Variants in HLA-DQA1 observed in about 807,000 individuals in gnomAD.
HLA-DQA1 encodes HLA class II histocompatibility antigen, DQ alpha 1 chain.
A neutral mutation model predicts 20.7 loss-of-function variants in HLA-DQA1; 10 were observed. The ratio of observed to expected loss-of-function variants is 0.48; its 90% CI spans 0.30 to 0.82. HLA-DQA1 has a LOEUF of 0.82. HLA-DQA1 is among the 40% of genes least tolerant of loss of function. The probability of loss-of-function intolerance (pLI) is 0.07; values close to 1 mark genes in which losing one functional copy is unlikely to be tolerated. For missense variants in HLA-DQA1, 127 were observed against 293.0 expected, an observed-to-expected ratio of 0.43 and a Z score of 4.14; for synonymous variants, 39 against 109.2, an observed-to-expected ratio of 0.36 and a Z score of 4.01.
downstream of HLA-DQA1, among the ~76,000 whole-genome samples, chr6:32,647,688 T>TCTC (rs1288396400): frequency 6.6e-6 from 1 of 152,096 alleles, no homozygotes; most frequent in East Asian, 1.9e-4. Flanking sequence ...TATGGGAACC[T>TCTC]CTCAGAAATG....
rs1280186835 is a variant in HLA-DQA1 at position 32,643,665 on chromosome 6, G to C, written c.*734G>C. 6.7e-6 allele frequency: 1 copy of C among 148,178 alleles called. No homozygotes were observed. Among genetic ancestry groups the C allele is most frequent in the Non-Finnish European group, 1.5e-5 (1 of 67,044 alleles). 9.2% of individuals were successfully genotyped at this position (148,178 alleles called of 1,614,324 possible). On this transcript the variant is annotated 3_prime_UTR_variant, in exon 5 of 5. Transcript: ENST00000343139. ...AATTTGAATCTCAAAAATATCAAAA[G>C]TAAAAATGTATTCTCAAAACTTTAA...
downstream of HLA-DQA1, among the ~76,000 whole-genome samples, chr6:32,651,047 T>C (rs1331380261): frequency 1.2e-5 from 1 of 84,020 alleles, no homozygotes; most frequent in Non-Finnish European, 2.6e-5. Flanking sequence ...CGCCATCACG[T>C]CTGGCTAATT....
At chr6:32,638,159 G>T (rs1781029992) in intron 1 of HLA-DQA1, among the ~76,000 whole-genome samples, 2 of 118,096 alleles carry the variant, frequency 1.7e-5, no homozygotes, top group East Asian at 2.4e-4. Context: ...AAATAAAATG[G>T]GCATGTGGCT....
chr6:32,652,110 C>A, the HLA-DQA1 span, among the ~76,000 whole-genome samples: 92 of 93,218 alleles, frequency 9.9e-4, 28 homozygotes, highest in African/African-American at 2.6e-3. Flanking sequence ...GAAACCCCGT[C>A]TCTACTAAAA....
At position 32,642,022 on chromosome 6, in the gene HLA-DQA1, C is replaced by T; in HGVS notation, c.382C>T (p.Pro128Ser). Residue 128 changes from proline to serine, a missense_variant, in exon 3 of 5, where the codon CCC (proline) becomes TCC (serine). By Grantham distance (74) the Pro-to-Ser change is moderately conservative. This residue lies in a region of HLA-DQA1 where 30 missense variants were observed against 39.9 expected (regional missense o/e 0.75). Transcript: ENST00000343139. Reference sequence around the variant, plus strand: ...CAAGTCTCCCGTGACACTGGGTCAGCCCAACACCCTCATTTGTCTTGTGGA... The same window carrying T: ...CAAGTCTCCCGTGACACTGGGTCAGTCCAACACCCTCATTTGTCTTGTGGA... ...FSKSPVTLGQ[P>S]NTLICLVDNI... 1 of 1,541,190 alleles carries T rather than the reference C, an allele frequency of 6.5e-7. No individual in the cohort carries two copies. The highest frequency in any genetic ancestry group is 8.7e-7 in the Non-Finnish European group (1 of 1,143,402).
the HLA-DQA1 span, among the ~76,000 whole-genome samples, chr6:32,655,261 T>TG: frequency 7.0e-6 from 1 of 142,056 alleles, no homozygotes; most frequent in Admixed American, 7.2e-5. Context: ...AGTTTTCTGT[T>TG]TTTTAAAATC....
At chr6:32,637,658 G>C in intron 1 of HLA-DQA1, 118 bp downstream of exon 1, 2 of 500,382 alleles carry the variant, frequency 4.0e-6, no homozygotes, top group Non-Finnish European at 7.0e-6. Context: ...TCAGTATTAA[G>C]ACAATTAAAA....
intron 1 of HLA-DQA1, among the ~76,000 whole-genome samples, chr6:32,641,038 C>T (rs34438281): frequency 0.047 from 4,703 of 99,312 alleles, 394 homozygotes; most frequent in East Asian, 0.097. Context: ...ATCATAAGTC[C>T]ATGACATGCC....
chr6:32,646,393 C>T (rs1303311365), downstream of HLA-DQA1: 1 of 136,116 alleles, frequency 7.3e-6, no homozygotes, highest in African/African-American at 2.7e-5. Context: ...AAGACCTTGT[C>T]TCTACAACAC....
downstream of HLA-DQA1, chr6:32,646,628 C>T (rs9273274): frequency 5.7e-4 from 24 of 42,164 alleles, 2 homozygotes; most frequent in East Asian, 2.6e-3. Context: ...AGGTTTGTAC[C>T]TACCACATTT....
the HLA-DQA1 span, among the ~76,000 whole-genome samples, chr6:32,653,661 A>G: frequency 0.21 from 21,354 of 102,926 alleles, 6,634 homozygotes; most frequent in Admixed American, 0.22. Context: ...TGCAAAGAAA[A>G]TGCAATCAGT....
In HLA-DQA1 at chr6:32,640,443, A is replaced by G. The variant is rs1781290645; in HGVS notation, c.83-867A>G. Among the ~76,000 whole-genome samples the G allele has an allele frequency of 2.0e-5, 2 of 98,918 alleles. 1 individual carries two copies. The highest frequency in any genetic ancestry group is 2.5e-4 in the Admixed American group (2 of 8,162). The allele number at this position is 98,918 out of a possible 152,430, so 64.9% of individuals were successfully genotyped here. On this transcript the variant is annotated intron_variant, in intron 1 of 4. Coordinates refer to ENST00000343139, the MANE Select transcript of HLA-DQA1 (RefSeq NM_002122.5). ...GCTCATTTGGCTGGAGTCGTACTGCATGGCTGCCATTCTGCTCTGGCATCC... is the reference window on the plus strand; with the variant it reads ...GCTCATTTGGCTGGAGTCGTACTGCGTGGCTGCCATTCTGCTCTGGCATCC...
downstream of HLA-DQA1, among the ~76,000 whole-genome samples, chr6:32,651,861 G>C (rs1782200288): frequency 1.0e-5 from 1 of 95,734 alleles, no homozygotes; most frequent in South Asian, 3.2e-4. Flanking sequence ...AAGGGTTAAA[G>C]AAACATCATA....
chr6:32,651,115 C>G (rs1371955958), downstream of HLA-DQA1, among the ~76,000 whole-genome samples: 3 of 82,840 alleles, frequency 3.6e-5, 1 homozygote, highest in Non-Finnish European at 5.2e-5. Flanking sequence ...GTCTCTGCCT[C>G]CTGACCTCGT....
chr6:32,652,712 G>A, the HLA-DQA1 span, among the ~76,000 whole-genome samples: 1 of 135,218 alleles, frequency 7.4e-6, no homozygotes, highest in African/African-American at 2.7e-5. Flanking sequence ...GCATAAAGTG[G>A]AGGGGAAAGG....
intron 1 of HLA-DQA1, chr6:32,639,101 G>A (rs9272544): frequency 0.58 from 131,387 of 226,210 alleles, 51,111 homozygotes; most frequent in South Asian, 0.78. Context: ...TCTCCAGAGC[G>A]CTTGGCGTCT....
downstream of HLA-DQA1, chr6:32,644,319 A>T (rs78846394): frequency 1.4e-4 from 21 of 152,294 alleles, no homozygotes; most frequent in African/African-American, 5.1e-4. Flanking sequence ...TGGAGAAAAA[A>T]TACAAAACAT....
chr6:32,652,736 T>C, the HLA-DQA1 span, among the ~76,000 whole-genome samples: 76,915 of 139,112 alleles, frequency 0.55, 22,250 homozygotes, highest in Middle Eastern at 0.7. Flanking sequence ...GGTAACAATG[T>C]CAATAACTTT....
intron 4 of HLA-DQA1, 37 bp downstream of exon 4, chr6:32,642,821 T>A (rs9272806): frequency 3.8e-6 from 3 of 792,822 alleles, no homozygotes; most frequent in Non-Finnish European, 5.3e-6. Flanking sequence ...AGCGGCAGTA[T>A]GAAAGGAAGG....
Sources: gnomAD v4.1 joint callset for allele counts (sites outside exome capture counted in the v4.1 genomes callset) on GRCh38, gnomAD v4.1.1 for gene constraint, gnomAD v4.1.1 regional missense constraint, MANE v1.5 for transcripts, NCBI Gene and HGNC (gene_info 2026-07-23, HGNC 2026-07-21) for gene names.